Variants in PALLD observed in about 807,000 individuals in gnomAD.
PALLD encodes the protein palladin.
A neutral mutation model predicts 123.5 loss-of-function variants in PALLD; 61 were observed. That is an observed-to-expected ratio of 0.49 (90% CI 0.40 to 0.61). PALLD has a LOEUF of 0.61. Among genes scored for constraint, PALLD ranks in the 20% least tolerant of loss-of-function variants. The pLI is 0.00. For synonymous variants in PALLD, 465 were observed against 496.4 expected, an observed-to-expected ratio of 0.94 and a Z score of 0.84; for missense variants, 1,273 against 1,377.0, an observed-to-expected ratio of 0.92 and a Z score of 1.20.
chr4:168,733,943 G>A (rs1237047858), intron 10 of PALLD, among the ~76,000 whole-genome samples: 1 of 152,154 alleles, frequency 6.6e-6, no homozygotes, highest in Non-Finnish European at 1.5e-5. Flanking sequence ...CACCATGTTA[G>A]CCAGGATGGT....
chr4:168,670,796 A>T (rs1780183774), intron 3 of PALLD, among the ~76,000 whole-genome samples: 1 of 143,386 alleles, frequency 7.0e-6, no homozygotes, highest in East Asian at 2.1e-4. Context: ...AAACAAAAAA[A>T]ACAAAAAAGC....
intron 10 of PALLD, chr4:168,877,876 C>T (rs1751985524): frequency 7.0e-7 from 1 of 1,432,612 alleles, no homozygotes. Context: ...GCACGCCGCC[C>T]GCGTCCCCGG....
Position 168,889,038 on chromosome 4 carries a change from T to C in PALLD, c.1965-1884T>C, listed in dbSNP as rs527901000. The stretch of plus-strand genomic sequence containing the variant: ...ACCGTGAACCCAGTGTTTAGGTACA[T>C]TCTTAGCCTTACTTGTGCTTTCTAC... On this transcript the variant is annotated intron_variant, in intron 10 of 21. Coordinates refer to ENST00000505667, the MANE Select transcript of PALLD (RefSeq NM_001166108.2). Among the ~76,000 whole-genome samples, 4 of 152,304 alleles carry C rather than the reference T, an allele frequency of 2.6e-5. No homozygotes were observed. In the South Asian group the frequency reaches 8.3e-4, roughly 32 times the overall value.
intron 10 of PALLD, among the ~76,000 whole-genome samples, chr4:168,752,871 T>A (rs58451324): frequency 0.014 from 2,150 of 152,162 alleles, 42 homozygotes; most frequent in African/African-American, 0.046. Flanking sequence ...AAACTTATAG[T>A]ATAAATAATT....
At chr4:168,715,813 G>A (rs942735363) in intron 10 of PALLD, among the ~76,000 whole-genome samples, 1 of 152,190 alleles carries the variant, frequency 6.6e-6, no homozygotes, top group Non-Finnish European at 1.5e-5. Flanking sequence ...AGCCGGGCGT[G>A]GTGGCAGGTG....
At chr4:168,727,862 A>C (rs1324169579) in intron 10 of PALLD, among the ~76,000 whole-genome samples, 1 of 150,434 alleles carries the variant, frequency 6.6e-6, no homozygotes. Context: ...TAAATCTTTA[A>C]TCTATCTTGA....
At chr4:168,809,474 T>C (rs578224846) in intron 10 of PALLD, among the ~76,000 whole-genome samples, 2 of 152,010 alleles carry the variant, frequency 1.3e-5, no homozygotes, top group East Asian at 3.9e-4. Context: ...GAGAGAAACA[T>C]AAGGCCATAA....
At chr4:168,709,366 T>A (rs1316748007) in intron 9 of PALLD, among the ~76,000 whole-genome samples, 1 of 150,924 alleles carries the variant, frequency 6.6e-6, no homozygotes, top group African/African-American at 2.4e-5. Flanking sequence ...AAAAATTAGC[T>A]GAGTGTGGTG....
intron 10 of PALLD, among the ~76,000 whole-genome samples, chr4:168,872,051 A>G (rs1195223184): frequency 6.6e-6 from 1 of 152,182 alleles, no homozygotes; most frequent in Non-Finnish European, 1.5e-5. Context: ...CTTGAAGAGC[A>G]CCATCTCCCC....
chr4:168,767,179 A>G (rs1323727744), intron 10 of PALLD, among the ~76,000 whole-genome samples: 2 of 152,102 alleles, frequency 1.3e-5, no homozygotes, highest in Admixed American at 1.3e-4. Context: ...TCTGCCTTTC[A>G]TCTAGACCCT....
intron 10 of PALLD, among the ~76,000 whole-genome samples, chr4:168,775,246 T>A (rs1311244420): frequency 6.6e-6 from 1 of 152,190 alleles, no homozygotes; most frequent in Admixed American, 6.5e-5. Context: ...TTAACAGGTG[T>A]GTAGTAGAAT....
chr4:168,574,206 C>A (rs1769289993), intron 2 of PALLD, among the ~76,000 whole-genome samples: 1 of 151,994 alleles, frequency 6.6e-6, no homozygotes, highest in Non-Finnish European at 1.5e-5. Flanking sequence ...TTTTGGATAT[C>A]CTGAGTCACT....
chr4:168,794,513 C>A (rs537447989), intron 10 of PALLD, among the ~76,000 whole-genome samples: 4 of 147,536 alleles, frequency 2.7e-5, no homozygotes, highest in East Asian at 1.9e-4. Context: ...CACGCACACA[C>A]ACACACACAC....
At chr4:168,761,645 G>GTTTTTTTTTTTTTTGTTTGTTTTTT (rs1732879211) in intron 10 of PALLD, among the ~76,000 whole-genome samples, 1 of 88,024 alleles carries the variant, frequency 1.1e-5, no homozygotes, top group Non-Finnish European at 2.2e-5. Flanking sequence ...GTTGTTGTTT[G>GTTTTTTTTTTTTTTGTTTGTTTTTT]TTTTTTTTTT....
intron 15 of PALLD, chr4:168,904,217 C>A: frequency 9.6e-6 from 3 of 312,160 alleles, no homozygotes; most frequent in South Asian, 4.0e-5. Flanking sequence ...AAAAAATAAG[C>A]AATTAACAAA....
intron 10 of PALLD, among the ~76,000 whole-genome samples, chr4:168,738,317 T>G (rs1473650563): frequency 6.6e-6 from 1 of 152,206 alleles, no homozygotes; most frequent in African/African-American, 2.4e-5. Context: ...TGAAGGAGCC[T>G]CTATGGAAGA....
chr4:168,816,547 T>C (rs1741981663), intron 10 of PALLD, among the ~76,000 whole-genome samples: 1 of 152,004 alleles, frequency 6.6e-6, no homozygotes, highest in Non-Finnish European at 1.5e-5. Context: ...AAGTAACCAC[T>C]AATTAAGCAG....
At chr4:168,548,762 C>T (rs1766428478) in intron 2 of PALLD, among the ~76,000 whole-genome samples, 1 of 152,126 alleles carries the variant, frequency 6.6e-6, no homozygotes, top group Admixed American at 6.5e-5. Context: ...TACATGTTTC[C>T]TTTGAAAGGT....
chr4:168,829,560 G>A (rs1743903837), intron 10 of PALLD, among the ~76,000 whole-genome samples: 1 of 152,090 alleles, frequency 6.6e-6, no homozygotes. Context: ...CCATTATTGT[G>A]GAAATAAGGA....
Sources: allele counts gnomAD v4.1 joint callset (sites outside exome capture counted in the v4.1 genomes callset), GRCh38; gene constraint gnomAD v4.1.1; transcripts MANE v1.5; gene names NCBI Gene and HGNC (gene_info 2026-07-23, HGNC 2026-07-21).